The following UGT1A8 variants were observed in gnomAD, a reference collection of about 807,000 sequenced individuals.
The protein encoded by UGT1A8 is UDP-glucuronosyltransferase 1A8.
Under a neutral mutation model 45.3 loss-of-function variants are expected in UGT1A8, and 39 were observed. The observed-to-expected ratio is 0.86, with a 90% CI of 0.67 to 1.12. The LOEUF (loss-of-function observed/expected upper bound fraction) is 1.12, where lower values mean the gene tolerates loss of function less well. Among genes scored for constraint, UGT1A8 ranks in the 50% most tolerant of loss-of-function variants. The pLI is 0.00. For missense variants in UGT1A8, 719 were observed against 664.9 expected (o/e 1.08, Z -0.90); for synonymous variants, 275 against 249.2 (o/e 1.10, Z -0.97).
At chr2:233,633,149 A>G (rs2073221760) in intron 1 of UGT1A8, among the ~76,000 whole-genome samples, 1 of 152,178 alleles carries the variant, frequency 6.6e-6, no homozygotes. Context: ...CTTGCATCCC[A>G]GGGATGAAGC....
At chr2:233,620,144 G>A (rs1406607527) in intron 1 of UGT1A8, among the ~76,000 whole-genome samples, 1 of 152,196 alleles carries the variant, frequency 6.6e-6, no homozygotes, top group African/African-American at 2.4e-5. Flanking sequence ...GTTGGTGAAA[G>A]AGTGACCGTT....
intron 1 of UGT1A8, among the ~76,000 whole-genome samples, chr2:233,715,235 G>A (rs1381956568): frequency 1.3e-5 from 2 of 152,090 alleles, no homozygotes; most frequent in Non-Finnish European, 2.9e-5. Flanking sequence ...CCAATTCTGT[G>A]AAGGATGTCT....
chr2:233,625,096 T>C (rs1429793984), intron 1 of UGT1A8, among the ~76,000 whole-genome samples: 1 of 152,068 alleles, frequency 6.6e-6, no homozygotes, highest in Non-Finnish European at 1.5e-5. Flanking sequence ...TTAACACATA[T>C]TTTGGATGTT....
At chr2:233,627,639 TCC>T (rs1491423696) in intron 1 of UGT1A8, among the ~76,000 whole-genome samples, 4 of 140,630 alleles carry the variant, frequency 2.8e-5, no homozygotes. Context: ...CTTCCTTCCT[TCC>T]TTCCTTCCTT....
intron 1 of UGT1A8, chr2:233,636,330 T>C (rs924521224): frequency 3.1e-6 from 3 of 975,442 alleles, no homozygotes; most frequent in Non-Finnish European, 1.4e-6. Context: ...TACAAGTAGG[T>C]ATCTCAGCAA....
At chr2:233,673,108 C>T (rs893006971) in intron 1 of UGT1A8, among the ~76,000 whole-genome samples, 3 of 152,054 alleles carry the variant, frequency 2.0e-5, no homozygotes, top group Non-Finnish European at 4.4e-5. Flanking sequence ...TATGCCCGCC[C>T]CAGAGGAAAT....
intron 1 of UGT1A8, among the ~76,000 whole-genome samples, chr2:233,688,923 A>C (rs1387131150): frequency 6.6e-6 from 1 of 152,104 alleles, no homozygotes; most frequent in Non-Finnish European, 1.5e-5. Context: ...CCAAGCAGGG[A>C]AGATGGCAGG....
intron 1 of UGT1A8, among the ~76,000 whole-genome samples, chr2:233,708,188 A>AT (rs2076007584): frequency 6.6e-6 from 1 of 152,238 alleles, no homozygotes; most frequent in Non-Finnish European, 1.5e-5. Flanking sequence ...TGTCGTGCAC[A>AT]TTTTAAATGT....
chr2:233,747,491 G>A, intron 1 of UGT1A8: 2 of 1,608,968 alleles, frequency 1.2e-6, no homozygotes, highest in South Asian at 2.2e-5. Flanking sequence ...ATCGCCTTGT[G>A]CTGGGCCACA....
intron 1 of UGT1A8, among the ~76,000 whole-genome samples, chr2:233,644,077 T>A (rs982944490): frequency 6.6e-6 from 1 of 152,128 alleles, no homozygotes; most frequent in African/African-American, 2.4e-5. Context: ...TATGTCATAC[T>A]CCCCTTTACC....
intron 1 of UGT1A8, among the ~76,000 whole-genome samples, chr2:233,626,225 TA>T (rs1203428312): frequency 3.3e-5 from 5 of 152,064 alleles, no homozygotes; most frequent in African/African-American, 1.2e-4. Context: ...TCAGTGCCCA[TA>T]AGGGTTCATG....
chr2:233,767,878 A>G lies in UGT1A8; in HGVS notation c.1017A>G (p.Pro339=), dbSNP rs747062491. ...TGTGGCGGTACACTGGAACCCGACC[A>G]TCGAATCTTGCGAACAACACGATAC... ...TVLWRYTGTR[P]SNLANNTILV... The change falls in exon 3 of 5, where the codon CCA becomes CCG. Residue 339 remains proline, a synonymous_variant. Transcript: ENST00000373450. 6.2e-7 allele frequency: 1 copy of G among 1,614,032 alleles called. No individual in the cohort carries two copies. The highest frequency in any genetic ancestry group is 1.7e-5 in the Admixed American group (1 of 59,990).
At chr2:233,653,174 G>GA (rs1179870924) in intron 1 of UGT1A8, among the ~76,000 whole-genome samples, 34 of 152,146 alleles carry the variant, frequency 2.2e-4, no homozygotes. Context: ...TGTAATTCCA[G>GA]AAAAAATAAC....
chr2:233,698,097 C>A (rs1330265062), intron 1 of UGT1A8, among the ~76,000 whole-genome samples: 3 of 152,172 alleles, frequency 2.0e-5, no homozygotes, highest in African/African-American at 7.2e-5. Context: ...TTTTTGAGCC[C>A]TGTGACCCTG....
At chr2:233,687,961 T>G (rs760793244) in intron 1 of UGT1A8, among the ~76,000 whole-genome samples, 4 of 152,220 alleles carry the variant, frequency 2.6e-5, no homozygotes, top group Non-Finnish European at 5.9e-5. Context: ...AATTGATATG[T>G]AATTCATGTA....
intron 1 of UGT1A8, among the ~76,000 whole-genome samples, chr2:233,697,574 T>A (rs1184088386): frequency 6.6e-6 from 1 of 151,944 alleles, no homozygotes; most frequent in African/African-American, 2.4e-5. Context: ...TTTAATTTAT[T>A]TTTTCCCTGA....
chr2:233,713,704 T>G (rs778886685), intron 1 of UGT1A8: 2 of 1,613,920 alleles, frequency 1.2e-6, no homozygotes, highest in Middle Eastern at 1.7e-4. Context: ...GCCTCTGAGC[T>G]TTTTCAGAGA....
rs45449797 is a variant in UGT1A8 at position 233,730,263 on chromosome 2, G to T, written c.856-36771G>T. On this transcript the variant is annotated intron_variant, in intron 1 of 4. Coordinates refer to ENST00000373450, the MANE Select transcript of UGT1A8 (RefSeq NM_019076.5). ...ACTGGTGTGACTCATAGAGACTGTTGGTTTGTAAAGGCACCATCTTCATGG... is the reference window on the plus strand; with the variant it reads ...ACTGGTGTGACTCATAGAGACTGTTTGTTTGTAAAGGCACCATCTTCATGG... Among the ~76,000 whole-genome samples, 819 of 152,182 alleles carry T rather than the reference G, an allele frequency of 5.4e-3. 8 individuals carry two copies. The highest frequency in any genetic ancestry group is 0.019 in the African/African-American group (780 of 41,512).
chr2:233,693,943 C>T (rs933139976), intron 1 of UGT1A8: 30 of 1,600,976 alleles, frequency 1.9e-5, no homozygotes, highest in Non-Finnish European at 2.4e-5. Context: ...CTCCTTGAGC[C>T]GACTGTCCCT....
Sources: gnomAD v4.1 joint callset for allele counts (sites outside exome capture counted in the v4.1 genomes callset) on GRCh38, gnomAD v4.1.1 for gene constraint, MANE v1.5 for transcripts, NCBI Gene and HGNC (gene_info 2026-07-23, HGNC 2026-07-21) for gene names.